TCF20: variants seen among roughly 807,000 people sequenced by gnomAD.
TCF20 encodes the protein transcription factor 20, also known as SPRE-binding protein.
A neutral mutation model predicts 148.6 loss-of-function variants in TCF20; 3 were observed. The observed-to-expected ratio is 0.02, with a 90% CI of 0.01 to 0.05. The LOEUF is 0.05. TCF20 is among the 10% of genes least tolerant of loss of function. The probability of loss-of-function intolerance (pLI) is 1.00; values close to 1 mark genes in which losing one functional copy is unlikely to be tolerated. For missense variants in TCF20, 2,350 were observed against 2,429.3 expected (o/e 0.97, Z 0.69); for synonymous variants, 1,049 against 909.5 (o/e 1.15, Z -2.76).
At chr22:42,322,648 G>A (rs1029471587) in intron 1 of TCF20, among the ~76,000 whole-genome samples, 3 of 151,854 alleles carry the variant, frequency 2.0e-5, no homozygotes, top group South Asian at 2.1e-4. Context: ...CCAAATGAGT[G>A]AGTGAGTGAG....
Position 42,338,139 on chromosome 22 carries a change from C to T in TCF20, c.-37+5340G>A, listed in dbSNP as rs1928098024. Among the ~76,000 whole-genome samples the T allele has an allele frequency of 6.6e-6, 1 of 152,220 alleles. No individual in the cohort carries two copies. The highest frequency in any genetic ancestry group is 2.4e-5 in the African/African-American group (1 of 41,458). On this transcript the variant is annotated intron_variant, in intron 1 of 1. Coordinates refer to the TCF20 transcript ENST00000515426. This position sits in a 1 kb window ranked among gnomAD's most constrained non-coding sequence, Gnocchi z 4.0. The stretch of plus-strand genomic sequence containing the variant: ...CCTACTCTGTACACAACTCCCGCCT[C>T]GGTCTCCACGCGTCCCCTGAGATCC...
intron 3 of TCF20, among the ~76,000 whole-genome samples, chr22:42,175,952 G>A (rs1351324607): frequency 6.6e-6 from 1 of 151,398 alleles, no homozygotes; most frequent in South Asian, 2.1e-4. Flanking sequence ...GGGCCACCAC[G>A]CCTGGCTAAT....
intron 2 of TCF20, among the ~76,000 whole-genome samples, chr22:42,188,971 A>G (rs1384917253): frequency 6.6e-6 from 1 of 152,202 alleles, no homozygotes; most frequent in Non-Finnish European, 1.5e-5. Context: ...GAGGGAGTGT[A>G]GCTTGACCTG....
intron 2 of TCF20, among the ~76,000 whole-genome samples, chr22:42,208,042 C>A (rs1938510539): frequency 6.6e-6 from 1 of 152,084 alleles, no homozygotes; most frequent in Non-Finnish European, 1.5e-5. Context: ...AAGTAAAAAA[C>A]TTAGCCAGGT....
chr22:42,254,007 C>T (rs138926378), intron 1 of TCF20, among the ~76,000 whole-genome samples: 1,693 of 138,084 alleles, frequency 0.012, 30 homozygotes, highest in South Asian at 0.051. Context: ...ACCCGGGAGG[C>T]GGAGGTTGCG....
At chr22:42,337,598 T>G (rs533517271) in intron 1 of TCF20, among the ~76,000 whole-genome samples, 399 of 152,374 alleles carry the variant, frequency 2.6e-3, no homozygotes, top group African/African-American at 9.3e-3. Context: ...TCTCCTCTTT[T>G]GTAAAATCCT....
At chr22:42,198,774 G>A (rs977848611) in intron 2 of TCF20, among the ~76,000 whole-genome samples, 3 of 151,162 alleles carry the variant, frequency 2.0e-5, no homozygotes, top group Non-Finnish European at 2.9e-5. Context: ...CCATTCTCCT[G>A]CCTCAGCCTC....
intron 1 of TCF20, among the ~76,000 whole-genome samples, chr22:42,305,168 G>A (rs1304830939): frequency 6.6e-6 from 1 of 152,064 alleles, no homozygotes; most frequent in Non-Finnish European, 1.5e-5. Context: ...GCAAATGTCA[G>A]ACCCACGCTC....
chr22:42,300,982 G>C (rs1335357240), intron 1 of TCF20, among the ~76,000 whole-genome samples: 4 of 152,168 alleles, frequency 2.6e-5, no homozygotes, highest in Non-Finnish European at 4.4e-5. Flanking sequence ...AGGGTGTTTA[G>C]GATAGAGAGG....
chr22:42,213,507 T>G lies in TCF20; in HGVS notation c.1799A>C (p.Asn600Thr). The change falls in exon 2 of 6, where the codon AAT (asparagine) becomes ACT (threonine). Residue 600 changes from asparagine to threonine, a missense_variant. By Grantham distance (65) the Asn-to-Thr change is moderately conservative (BLOSUM62 0). Coordinates refer to ENST00000677622, the MANE Select transcript of TCF20 (RefSeq NM_001378418.1). The part of the protein sequence containing the change: ...PLSSDGNPKV[N>T]EKTVGVIVSR... ...GACAATCACCCCAACAGTCTTCTCA[T>G]TAACCTTTGGGTTCCCGTCGGATGA... is the stretch of plus-strand genomic sequence containing the variant. 6.2e-7 allele frequency: 1 copy of G among 1,614,236 alleles called. No homozygotes were observed. The highest frequency in any genetic ancestry group is 8.5e-7 in the Non-Finnish European group (1 of 1,180,046).
At chr22:42,203,157 CTTAT>C (rs1011016560) in intron 2 of TCF20, among the ~76,000 whole-genome samples, 2 of 151,882 alleles carry the variant, frequency 1.3e-5, no homozygotes, top group East Asian at 1.9e-4. Flanking sequence ...TTTTTCTCTA[CTTAT>C]TTATTTTGAG....
At chr22:42,283,954 G>T (rs1926971862) in exon 1 of TCF20, among the ~76,000 whole-genome samples, 1 of 152,248 alleles carries the variant, frequency 6.6e-6, no homozygotes, top group Non-Finnish European at 1.5e-5. Flanking sequence ...AGAAGGAAAA[G>T]GAAAGGGGGG....
At chr22:42,278,758 C>T (rs1385294806) in intron 1 of TCF20, 1 of 152,304 alleles carries the variant, frequency 6.6e-6, no homozygotes, top group Non-Finnish European at 1.5e-5. Flanking sequence ...CTCGTAACAT[C>T]CTCACAACAC....
At chr22:42,310,838 G>A (rs1478595663) in intron 1 of TCF20, among the ~76,000 whole-genome samples, 1 of 152,222 alleles carries the variant, frequency 6.6e-6, no homozygotes, top group Non-Finnish European at 1.5e-5. Context: ...GCCCAGGAGG[G>A]CCCCGCAGAG....
chr22:42,255,490 AC>A (rs376470286), intron 1 of TCF20, among the ~76,000 whole-genome samples: 78,127 of 148,788 alleles, frequency 0.53, 20,704 homozygotes, highest in Middle Eastern at 0.6. Context: ...TTCATCTCAA[AC>A]AACAACAACA....
At chr22:42,181,338 C>G (rs1227613203) in intron 2 of TCF20, among the ~76,000 whole-genome samples, 1 of 152,088 alleles carries the variant, frequency 6.6e-6, no homozygotes, top group African/African-American at 2.4e-5. Flanking sequence ...CGTATGCCAC[C>G]ACGCCAGGCT....
At chr22:42,314,379 C>A (rs1049333549) in intron 1 of TCF20, among the ~76,000 whole-genome samples, 1 of 152,248 alleles carries the variant, frequency 6.6e-6, no homozygotes, top group Admixed American at 6.5e-5. Flanking sequence ...GGGCTCTCAG[C>A]GAAATTGATG....
At chr22:42,342,327 G>T (rs960433278) in intron 1 of TCF20, among the ~76,000 whole-genome samples, 4 of 152,162 alleles carry the variant, frequency 2.6e-5, no homozygotes, top group Non-Finnish European at 5.9e-5. Flanking sequence ...AGGTAGGAAG[G>T]CCACAGGCCT....
At position 42,179,490 on chromosome 22, in the gene TCF20, C is replaced by CAAA. The variant is rs57857271; in HGVS notation, c.5749+116_5749+118dup. Reference sequence around the variant, plus strand: ...GGTGGGAAGTTTTTTTATGAAGTGACAAAAAAAAAAAAAAAAAAAAAGAAA... The same window carrying CAAA: ...GGTGGGAAGTTTTTTTATGAAGTGACAAAAAAAAAAAAAAAAAAAAAAAAGAAA... On this transcript the variant is annotated intron_variant, in intron 3 of 5. Coordinates refer to ENST00000677622, the MANE Select transcript of TCF20 (RefSeq NM_001378418.1). 1.2e-3 allele frequency: 429 copies of CAAA among 372,786 alleles called. 17 individuals are homozygous for CAAA. Among genetic ancestry groups the CAAA allele is most frequent in the East Asian group, 2.8e-3 (67 of 23,568 alleles). The allele number at this position is 372,786 out of a possible 1,614,324, so 23.1% of individuals were successfully genotyped here.
Sources: gnomAD v4.1 joint callset for allele counts (sites outside exome capture counted in the v4.1 genomes callset) on GRCh38, gnomAD v4.1.1 for gene constraint, Gnocchi (gnomAD v3.1) non-coding constraint, MANE v1.5 for transcripts, NCBI Gene and HGNC (gene_info 2026-07-23, HGNC 2026-07-21) for gene names.